BANK1: variants seen among roughly 807,000 people sequenced by gnomAD.
The protein encoded by BANK1 is B cell scaffold protein with ankyrin repeats 1.
Under a neutral mutation model 94.5 loss-of-function variants are expected in BANK1, and 95 were observed. The observed-to-expected ratio is 1.00, with a 90% confidence interval of 0.85 to 1.19. BANK1 has a LOEUF of 1.19. Among genes scored for constraint, BANK1 ranks in the 50% most tolerant of loss-of-function variants. The pLI is 0.00. For missense variants in BANK1, 987 were observed against 932.2 expected (o/e 1.06, Z -0.77); for synonymous variants, 334 against 308.4 (o/e 1.08, Z -0.87).
At chr4:102,001,780 G>A (rs749077349) in intron 7 of BANK1, among the ~76,000 whole-genome samples, 1 of 152,178 alleles carries the variant, frequency 6.6e-6, no homozygotes, top group African/African-American at 2.4e-5. Context: ...ACCTGCAGGG[G>A]TAAAATAGGA....
At chr4:101,860,398 G>A (rs528041532) in intron 3 of BANK1, among the ~76,000 whole-genome samples, 2 of 150,768 alleles carry the variant, frequency 1.3e-5, no homozygotes, top group East Asian at 3.9e-4. Context: ...TCTGGAAATG[G>A]TTGAAAGGTG....
intron 7 of BANK1, among the ~76,000 whole-genome samples, chr4:101,996,409 G>C (rs191944929): frequency 6.6e-6 from 1 of 152,038 alleles, no homozygotes; most frequent in Non-Finnish European, 1.5e-5. Flanking sequence ...TAGCTATATG[G>C]GCTCTTTTTT....
chr4:101,863,623 AGTTGGATTATAAGAAGGAAAAAC>A (rs1727962791), intron 4 of BANK1, among the ~76,000 whole-genome samples: 2 of 152,076 alleles, frequency 1.3e-5, no homozygotes, highest in East Asian at 1.9e-4. Flanking sequence ...CTTAGACTGA[AGTTGGATTATAAGAAGGAAAAAC>A]TCCATACTAA....
At chr4:102,014,075 C>A (rs1300468145) in intron 7 of BANK1, among the ~76,000 whole-genome samples, 1 of 152,056 alleles carries the variant, frequency 6.6e-6, no homozygotes. Flanking sequence ...AGAATTGAAT[C>A]CAAGTCTGAC....
chr4:102,066,228 C>G (rs756909950), intron 13 of BANK1, among the ~76,000 whole-genome samples: 28 of 149,808 alleles, frequency 1.9e-4, no homozygotes, highest in Non-Finnish European at 3.7e-4. Context: ...TTATCAGAAA[C>G]AATGGAGGAT....
At chr4:101,885,561 C>T (rs1453382598) in intron 5 of BANK1, among the ~76,000 whole-genome samples, 3 of 152,188 alleles carry the variant, frequency 2.0e-5, no homozygotes, top group Non-Finnish European at 4.4e-5. Context: ...TCTAGTATCT[C>T]TTCCTCAGTG....
chr4:101,946,736 G>T (rs1051491498), intron 7 of BANK1, among the ~76,000 whole-genome samples: 5 of 151,856 alleles, frequency 3.3e-5, no homozygotes, highest in African/African-American at 7.2e-5. Flanking sequence ...TTTGAAAGCT[G>T]CCAAGTTAGA....
chr4:102,007,092 A>ATATATTTATATATATATATATATAATAT (rs1322128290), intron 7 of BANK1, among the ~76,000 whole-genome samples: 1 of 82,318 alleles, frequency 1.2e-5, no homozygotes, highest in African/African-American at 4.2e-5. Context: ...ATATATATAT[A>ATATATTTATATATATATATATATAATAT]ATATATTTAT....
chr4:101,898,071 GAT>G (rs1722152773), intron 6 of BANK1, among the ~76,000 whole-genome samples: 1 of 151,744 alleles, frequency 6.6e-6, no homozygotes, highest in Non-Finnish European at 1.5e-5. Flanking sequence ...TTGCATAACA[GAT>G]GTCATAAAAC....
chr4:101,859,068 G>A (rs1190677837), intron 3 of BANK1, among the ~76,000 whole-genome samples: 1 of 152,180 alleles, frequency 6.6e-6, no homozygotes, highest in African/African-American at 2.4e-5. Flanking sequence ...GTGTACAAAA[G>A]CTAACAGCAC....
chr4:101,844,356 A>G (rs1252009290), intron 2 of BANK1, among the ~76,000 whole-genome samples: 1 of 152,202 alleles, frequency 6.6e-6, no homozygotes, highest in Non-Finnish European at 1.5e-5. Flanking sequence ...AAGAGCCTAT[A>G]TGAAGGAATG....
At chr4:101,848,980 G>A (rs1309681375) in intron 2 of BANK1, among the ~76,000 whole-genome samples, 3 of 152,158 alleles carry the variant, frequency 2.0e-5, no homozygotes, top group African/African-American at 7.2e-5. Flanking sequence ...CTGAGCCACG[G>A]AGGCAACTGG....
chr4:101,904,868 C>T (rs1046595165), intron 6 of BANK1, among the ~76,000 whole-genome samples: 3 of 152,160 alleles, frequency 2.0e-5, no homozygotes, highest in Admixed American at 6.5e-5. Context: ...GCCATGCAGA[C>T]GTCCAGTGCT....
intron 5 of BANK1, among the ~76,000 whole-genome samples, chr4:101,876,744 G>A (rs1412326860): frequency 2.6e-5 from 4 of 152,142 alleles, no homozygotes; most frequent in Non-Finnish European, 5.9e-5. Context: ...ATAGATATGT[G>A]ACCTTTCAAA....
intron 10 of BANK1, among the ~76,000 whole-genome samples, chr4:102,038,070 T>A: frequency 6.6e-6 from 1 of 152,216 alleles, no homozygotes; most frequent in Non-Finnish European, 1.5e-5. Context: ...TTTGGAATTT[T>A]CAATCTGCAT....
Position 102,029,992 on chromosome 4 carries a change from C to A in BANK1, c.1627C>A (p.Gln543Lys). The change falls in exon 10 of 17, where the codon CAA becomes AAA. Residue 543 changes from glutamine to lysine, a missense_variant. By Grantham distance (53) the Gln-to-Lys change is moderately conservative. Transcript: ENST00000322953. Reference protein sequence around the residue: ...TMVEGQMERSQNWGHPGVRQE... With the variant: ...TMVEGQMERSKNWGHPGVRQE... ...GGTGGAAGGCCAAATGGAAAGAAGT[C>A]AAAACTGGGGTCATCCTGGTGTTAG... The A allele has an allele frequency of 1.2e-6, 2 of 1,608,948 alleles. No homozygotes were observed. The highest frequency in any genetic ancestry group is 1.7e-6 in the Non-Finnish European group (2 of 1,178,670).
At chr4:101,812,151 A>G (rs550509394) in intron 1 of BANK1, among the ~76,000 whole-genome samples, 1 of 152,086 alleles carries the variant, frequency 6.6e-6, no homozygotes, top group South Asian at 2.1e-4. Flanking sequence ...AGAACTAAAA[A>G]ATGTTAAGGT....
chr4:102,050,676 T>C (rs1728019297), intron 11 of BANK1, among the ~76,000 whole-genome samples: 1 of 152,194 alleles, frequency 6.6e-6, no homozygotes, highest in African/African-American at 2.4e-5. Flanking sequence ...TATATAAATG[T>C]ATAACTTGCA....
intron 7 of BANK1, among the ~76,000 whole-genome samples, chr4:101,935,850 T>C (rs867016427): frequency 6.6e-6 from 1 of 151,578 alleles, no homozygotes; most frequent in Non-Finnish European, 1.5e-5. Flanking sequence ...CTGGGAAAGC[T>C]GGATATTCAT....
Sources: gnomAD v4.1 joint callset for allele counts (sites outside exome capture counted in the v4.1 genomes callset) on GRCh38, gnomAD v4.1.1 for gene constraint, MANE v1.5 for transcripts, NCBI Gene and HGNC (gene_info 2026-07-23, HGNC 2026-07-21) for gene names.